Variants in ST6GALNAC5 observed in about 807,000 individuals in gnomAD.
The protein encoded by ST6GALNAC5 is alpha-N-acetylgalactosaminide alpha-2,6-sialyltransferase 5.
In ST6GALNAC5, 27 loss-of-function variants were observed where a neutral mutation model predicts 33.6. The observed-to-expected ratio is 0.80, with a 90% CI of 0.59 to 1.11. The LOEUF (loss-of-function observed/expected upper bound fraction) is 1.11, where lower values mean the gene tolerates loss of function less well. ST6GALNAC5 is among the 50% of genes least tolerant of loss of function. The pLI is 0.00. For synonymous variants in ST6GALNAC5, 194 were observed against 171.2 expected (o/e 1.13, Z -1.04); for missense variants, 428 against 454.0 (o/e 0.94, Z 0.52).
Position 76,974,773 on chromosome 1 carries a change from C to CTTTTTTTTTTT in ST6GALNAC5, c.262-69415_262-69405dup, listed in dbSNP as rs60357939. Among the ~76,000 whole-genome samples the CTTTTTTTTTTT allele has an allele frequency of 8.5e-3, 300 of 35,234 alleles. 55 individuals are homozygous for CTTTTTTTTTTT. The highest frequency in any genetic ancestry group is 0.012 in the African/African-American group (95 of 7,650). 23.1% of individuals were successfully genotyped at this position (35,234 alleles called of 152,430 possible). A position where few individuals can be genotyped will look rare whatever the true frequency, so the allele number is the denominator to read the frequency against. Reference sequence around the variant, plus strand: ...ATATCTGTAAGTTTTTTCTTTCTTTCTTTTTTTTTTTTTTTTTTTTTTTTT... The same window carrying CTTTTTTTTTTT: ...ATATCTGTAAGTTTTTTCTTTCTTTCTTTTTTTTTTTTTTTTTTTTTTTTTTTTTTTTTTTT... On this transcript the variant is annotated intron_variant, in intron 2 of 4. Coordinates refer to ENST00000477717, the MANE Select transcript of ST6GALNAC5 (RefSeq NM_030965.3).
At chr1:76,954,746 G>T (rs376705226) in intron 2 of ST6GALNAC5, among the ~76,000 whole-genome samples, 2 of 152,230 alleles carry the variant, frequency 1.3e-5, no homozygotes, top group East Asian at 3.9e-4. Flanking sequence ...TTAATTAATA[G>T]ATTATTTTCA....
intron 2 of ST6GALNAC5, among the ~76,000 whole-genome samples, chr1:76,935,859 G>A (rs972995569): frequency 6.6e-6 from 1 of 152,008 alleles, no homozygotes; most frequent in South Asian, 2.1e-4. Context: ...TTGGGATACA[G>A]CGATGAACAA....
chr1:76,985,830 C>G (rs772666593), intron 2 of ST6GALNAC5, among the ~76,000 whole-genome samples: 1 of 152,142 alleles, frequency 6.6e-6, no homozygotes, highest in Non-Finnish European at 1.5e-5. Flanking sequence ...TGGAACAGAA[C>G]AGAGGCCTCA....
At chr1:77,022,295 A>G (rs1336380264) in intron 2 of ST6GALNAC5, among the ~76,000 whole-genome samples, 1 of 152,232 alleles carries the variant, frequency 6.6e-6, no homozygotes, top group Non-Finnish European at 1.5e-5. Flanking sequence ...TTACCCTTCC[A>G]GTTTAACACA....
chr1:76,901,862 G>C (rs1646820310), intron 2 of ST6GALNAC5, among the ~76,000 whole-genome samples: 1 of 152,094 alleles, frequency 6.6e-6, no homozygotes, highest in African/African-American at 2.4e-5. Context: ...ATATAAAATG[G>C]AACAATGCAT....
At chr1:76,956,025 C>G (rs939488540) in intron 2 of ST6GALNAC5, among the ~76,000 whole-genome samples, 1 of 152,164 alleles carries the variant, frequency 6.6e-6, no homozygotes, top group Admixed American at 6.6e-5. Context: ...TTCTGTTTCC[C>G]TTCTCTAATT....
At position 77,050,298 on chromosome 1, in the gene ST6GALNAC5, A is replaced by G. The variant is rs770595800; in HGVS notation, c.712A>G (p.Met238Val). Residue 238 changes from methionine to valine, a missense_variant, in exon 4 of 5, where the codon ATG becomes GTG. Transcript: ENST00000477717. The stretch of plus-strand genomic sequence containing the variant: ...TTGGCTCAGCACTGGCTGGTTTACA[A>G]TGACAATTGCACTGGAGCTCTGTGA... ...NTWLSTGWFTMTIALELCDRI... is the reference protein window; with the variant it reads ...NTWLSTGWFTVTIALELCDRI... The G allele has an allele frequency of 6.2e-7, 1 of 1,614,124 alleles. No homozygotes were observed. Among genetic ancestry groups the G allele is most frequent in the South Asian group, 1.1e-5 (1 of 91,086 alleles).
At chr1:77,038,774 G>T (rs1202303207) in intron 2 of ST6GALNAC5, among the ~76,000 whole-genome samples, 1 of 152,182 alleles carries the variant, frequency 6.6e-6, no homozygotes, top group African/African-American at 2.4e-5. Flanking sequence ...AGAAGGGATT[G>T]CTCCTGTCAC....
chr1:76,913,057 C>A (rs1487292658), intron 2 of ST6GALNAC5, among the ~76,000 whole-genome samples: 1 of 152,086 alleles, frequency 6.6e-6, no homozygotes, highest in Admixed American at 6.6e-5. Context: ...CGGCTGGTAC[C>A]GTTTGTTCCT....
Position 76,960,352 on chromosome 1 carries a change from T to C in ST6GALNAC5, c.262-83852T>C, listed in dbSNP as rs569879956. On this transcript the variant is annotated intron_variant, in intron 2 of 4. Coordinates refer to ENST00000477717, the MANE Select transcript of ST6GALNAC5 (RefSeq NM_030965.3). ...GGGGAGGGAGTGTATGAATAGGGTG[T>C]GGGTTACAGAGATCACATGCTTCAC... is the stretch of plus-strand genomic sequence containing the variant. Among the ~76,000 whole-genome samples, 3 of 152,110 alleles carry C rather than the reference T, an allele frequency of 2.0e-5. No homozygotes were observed. The South Asian group carries it at 6.2e-4, about 32-fold the overall frequency.
rs368238151 is a variant in ST6GALNAC5 at position 76,877,519 on chromosome 1, G to A, written c.261+8777G>A. Among the ~76,000 whole-genome samples, 16 of 152,310 alleles carry A rather than the reference G, an allele frequency of 1.1e-4. No individual in the cohort carries two copies. In the East Asian group the frequency reaches 1.3e-3, roughly 13 times the overall value. Reference sequence around the variant, plus strand: ...TTCTTCATTGTAGGAGGGCCCAAATGCAGCAACTCATCCTTCACCTTAGAA... The same window carrying A: ...TTCTTCATTGTAGGAGGGCCCAAATACAGCAACTCATCCTTCACCTTAGAA... On this transcript the variant is annotated intron_variant, in intron 2 of 4. Transcript: ENST00000477717.
chr1:77,033,330 C>T (rs190504973), intron 2 of ST6GALNAC5, among the ~76,000 whole-genome samples: 31 of 152,288 alleles, frequency 2.0e-4, no homozygotes, highest in African/African-American at 6.7e-4. Flanking sequence ...GAATCGCTGC[C>T]TCATGGCACT....
Position 76,867,629 on chromosome 1 carries a change from C to T in ST6GALNAC5, c.-47C>T, listed in dbSNP as rs772147783. On this transcript the variant is annotated 5_prime_UTR_variant, in exon 1 of 5. Coordinates refer to ENST00000477717, the MANE Select transcript of ST6GALNAC5 (RefSeq NM_030965.3). Reference sequence around the variant, plus strand: ...ATGGAAACCCTCCAGGAAAAAGTGGCCCCGGACGCGCGAGCCTGAGGATTC... The same window carrying T: ...ATGGAAACCCTCCAGGAAAAAGTGGTCCCGGACGCGCGAGCCTGAGGATTC... The T allele has an allele frequency of 5.0e-6, 8 of 1,614,114 alleles. No individual in the cohort carries two copies. Among genetic ancestry groups the T allele is most frequent in the East Asian group, 2.2e-5 (1 of 44,854 alleles).
chr1:76,912,072 AT>A (rs1206583921), intron 2 of ST6GALNAC5, among the ~76,000 whole-genome samples: 1 of 151,138 alleles, frequency 6.6e-6, no homozygotes, highest in Non-Finnish European at 1.5e-5. Flanking sequence ...AGTGCTATAA[AT>A]TTCCCTCTAC....
At chr1:76,976,013 T>C (rs989997366) in intron 2 of ST6GALNAC5, among the ~76,000 whole-genome samples, 8 of 152,104 alleles carry the variant, frequency 5.3e-5, no homozygotes, top group African/African-American at 1.9e-4. Flanking sequence ...AAGAATAGCT[T>C]GAAACCCGGA....
At chr1:76,948,494 C>T (rs1160181377) in intron 2 of ST6GALNAC5, among the ~76,000 whole-genome samples, 3 of 151,300 alleles carry the variant, frequency 2.0e-5, no homozygotes, top group Non-Finnish European at 4.4e-5. Context: ...AGCTCTCATA[C>T]AAAGTCCCAA....
intron 2 of ST6GALNAC5, among the ~76,000 whole-genome samples, chr1:77,037,345 G>A (rs1373307408): frequency 6.6e-6 from 1 of 152,162 alleles, no homozygotes; most frequent in Non-Finnish European, 1.5e-5. Context: ...TGGGAACTAA[G>A]CATTGGGTGT....
chr1:76,982,491 C>A (rs1649298214), intron 2 of ST6GALNAC5, among the ~76,000 whole-genome samples: 1 of 152,106 alleles, frequency 6.6e-6, no homozygotes, highest in African/African-American at 2.4e-5. Context: ...ATGAATGAAA[C>A]CTCCAAGAAA....
intron 4 of ST6GALNAC5, among the ~76,000 whole-genome samples, chr1:77,057,891 T>A (rs750705020): frequency 5.3e-5 from 8 of 151,902 alleles, no homozygotes; most frequent in Non-Finnish European, 1.0e-4. Flanking sequence ...TTTAGAAGAG[T>A]CAAAAAGTGG....
Sources: gnomAD v4.1 joint callset for allele counts (sites outside exome capture counted in the v4.1 genomes callset) on GRCh38, gnomAD v4.1.1 for gene constraint, MANE v1.5 for transcripts, NCBI Gene and HGNC (gene_info 2026-07-23, HGNC 2026-07-21) for gene names.